The following KALRN variants were observed in gnomAD, a reference collection of about 807,000 sequenced individuals.
KALRN encodes kalirin RhoGEF kinase, also known as kalirin.
KALRN carries 70 observed loss-of-function variants against 353.7 expected under a neutral mutation model. The observed-to-expected ratio is 0.20, with a 90% CI of 0.16 to 0.24. KALRN has a LOEUF of 0.24. Ranked by LOEUF, KALRN falls within the 10% of genes least tolerant of loss-of-function variation. The pLI is 1.00. For missense variants in KALRN, 2,791 were observed against 3,756.7 expected, an observed-to-expected ratio of 0.74 and a Z score of 6.72; for synonymous variants, 1,391 against 1,434.8, an observed-to-expected ratio of 0.97 and a Z score of 0.69.
intron 3 of KALRN, among the ~76,000 whole-genome samples, chr3:124,245,899 G>A (rs2081071611): frequency 6.6e-6 from 1 of 151,952 alleles, no homozygotes; most frequent in Non-Finnish European, 1.5e-5. Flanking sequence ...AAGCTGGTGG[G>A]ACAACTCACC....
In KALRN at chr3:124,725,914, C is replaced by A. The variant is rs887208479; in HGVS notation, c.*6444C>A. The A allele has an allele frequency of 1.3e-5, 2 of 152,132 alleles. No homozygotes were observed. The highest frequency in any genetic ancestry group is 4.8e-5 in the African/African-American group (2 of 41,420). 9.4% of individuals were successfully genotyped at this position (152,132 alleles called of 1,614,324 possible). ...GGACAGGTTTCCCCATAGGGACCAT[C>A]GCACATATACATATAAGTACATACT... On this transcript the variant is annotated 3_prime_UTR_variant, in exon 60 of 60. Transcript: ENST00000682506.
rs558393839 is a variant in KALRN, at chr3:124,272,731, T to A, written c.969+3476T>A. ...CACTCAAGCTTGACCCAGCTGCCAC[T>A]GAAAATGTGCTGAGTGCTGGACAGG... On this transcript the variant is annotated intron_variant, in intron 5 of 59. Coordinates refer to ENST00000682506, the MANE Select transcript of KALRN (RefSeq NM_001388419.1). 3.0e-4 allele frequency among the ~76,000 whole-genome samples: 46 copies of A among 152,322 alleles called. No homozygotes were observed. In the South Asian group the frequency reaches 3.3e-3, roughly 11 times the overall value.
chr3:124,262,738 G>T (rs1003247693), intron 3 of KALRN, among the ~76,000 whole-genome samples: 20 of 152,146 alleles, frequency 1.3e-4, no homozygotes, highest in African/African-American at 4.8e-4. Context: ...TGAAATTTAA[G>T]AATAAAGCCC....
chr3:124,702,213 C>T (rs189189925), intron 57 of KALRN, 97 bp downstream of exon 57: 53 of 727,688 alleles, frequency 7.3e-5, no homozygotes, highest in Middle Eastern at 2.7e-4. Context: ...ATTTCTTTTA[C>T]AAATGCAATT....
At chr3:124,389,970 C>A (rs985309819) in intron 11 of KALRN, among the ~76,000 whole-genome samples, 1 of 152,134 alleles carries the variant, frequency 6.6e-6, no homozygotes, top group Non-Finnish European at 1.5e-5. Context: ...AAAAGAAAGG[C>A]AACAAACATG....
intron 33 of KALRN, among the ~76,000 whole-genome samples, chr3:124,544,744 T>A (rs1176545738): frequency 1.3e-5 from 2 of 152,192 alleles, no homozygotes; most frequent in Admixed American, 6.5e-5. Flanking sequence ...TTTGTTGTGT[T>A]CAGTGCTGTA....
chr3:124,315,060 C>T (rs2078676433), intron 6 of KALRN, among the ~76,000 whole-genome samples: 1 of 152,166 alleles, frequency 6.6e-6, no homozygotes, highest in Non-Finnish European at 1.5e-5. Context: ...CCAAACAAGT[C>T]CCACTAGGCC....
At position 124,628,500 on chromosome 3, in the gene KALRN, T is replaced by C. The variant is rs1005696707; in HGVS notation, c.5183-3920T>C. On this transcript the variant is annotated intron_variant, in intron 34 of 59. Transcript: ENST00000682506. ...CTTCCTTCCCTTCCCTCCCTTCCCT[T>C]CCTTCCCTTCCTTCCCTTCCTTTCC... Among the ~76,000 whole-genome samples the C allele has an allele frequency of 7.2e-3, 370 of 51,156 alleles. 1 individual carries two copies. The highest frequency in any genetic ancestry group is 0.019 in the African/African-American group (346 of 18,676). The allele number at this position is 51,156 out of a possible 152,430, so 33.6% of individuals were successfully genotyped here.
At chr3:124,432,915 T>C (rs1395327301) in intron 16 of KALRN, among the ~76,000 whole-genome samples, 2 of 152,170 alleles carry the variant, frequency 1.3e-5, no homozygotes, top group African/African-American at 4.8e-5. Flanking sequence ...CTAGAAGATA[T>C]TGGGAATGAA....
chr3:124,600,114 C>A (rs529842521), intron 34 of KALRN, among the ~76,000 whole-genome samples: 1 of 152,328 alleles, frequency 6.6e-6, no homozygotes, highest in Non-Finnish European at 1.5e-5. Flanking sequence ...GGTAGACCAG[C>A]CGCGGGGAAA....
chr3:124,610,928 T>C (rs1056459789), intron 34 of KALRN, among the ~76,000 whole-genome samples: 13 of 151,824 alleles, frequency 8.6e-5, no homozygotes, highest in African/African-American at 2.9e-4. Flanking sequence ...TGGGAAGCTG[T>C]GGTGGGAGGA....
chr3:124,612,210 T>A (rs1016590396), intron 34 of KALRN, among the ~76,000 whole-genome samples: 2 of 151,124 alleles, frequency 1.3e-5, no homozygotes, highest in African/African-American at 4.9e-5. Context: ...TTTTTTTAAT[T>A]TTTATTTTTT....
intron 1 of KALRN, among the ~76,000 whole-genome samples, chr3:124,130,875 G>C (rs916111000): frequency 6.6e-6 from 1 of 152,146 alleles, no homozygotes; most frequent in Non-Finnish European, 1.5e-5. Context: ...CCAGACATAA[G>C]AGAATACATA....
At chr3:124,478,071 CA>C (rs2061595358) in intron 27 of KALRN, among the ~76,000 whole-genome samples, 1 of 152,046 alleles carries the variant, frequency 6.6e-6, no homozygotes, top group Non-Finnish European at 1.5e-5. Flanking sequence ...TCTATAAAGC[CA>C]AAAGTGACCT....
chr3:124,559,830 A>C (rs1173391790), intron 33 of KALRN, among the ~76,000 whole-genome samples: 1 of 152,148 alleles, frequency 6.6e-6, no homozygotes, highest in Non-Finnish European at 1.5e-5. Flanking sequence ...CTGGTGTAGT[A>C]TATCTTTTTG....
At chr3:124,155,579 G>A (rs2068856365) in intron 1 of KALRN, among the ~76,000 whole-genome samples, 1 of 152,176 alleles carries the variant, frequency 6.6e-6, no homozygotes, top group Admixed American at 6.5e-5. Context: ...ATCATAGTAT[G>A]AACACACAGA....
chr3:124,466,885 T>C (rs976080150), intron 25 of KALRN, among the ~76,000 whole-genome samples: 2 of 152,224 alleles, frequency 1.3e-5, no homozygotes, highest in Non-Finnish European at 2.9e-5. Flanking sequence ...AGCTTCCATG[T>C]GGATCTTAGA....
intron 13 of KALRN, among the ~76,000 whole-genome samples, chr3:124,400,774 C>T (rs761644655): frequency 2.0e-4 from 31 of 152,308 alleles, no homozygotes; most frequent in Non-Finnish European, 2.4e-4. Context: ...AATCATTCCT[C>T]AGCTCCATTT....
intron 6 of KALRN, among the ~76,000 whole-genome samples, chr3:124,321,366 A>G (rs977985461): frequency 1.4e-4 from 22 of 152,280 alleles, no homozygotes; most frequent in African/African-American, 5.3e-4. Flanking sequence ...TTCTAGAATA[A>G]GCAGTATTTC....
Sources: allele counts gnomAD v4.1 joint callset (sites outside exome capture counted in the v4.1 genomes callset), GRCh38; gene constraint gnomAD v4.1.1; transcripts MANE v1.5; gene names NCBI Gene and HGNC (gene_info 2026-07-23, HGNC 2026-07-21).